The following B4GALT5 variants were observed in gnomAD, a reference collection of about 807,000 sequenced individuals.
B4GALT5 encodes UDP-Gal:beta-GlcNAc beta-1,4-galactosyltransferase 5.
B4GALT5 carries 11 observed loss-of-function variants against 45.0 expected under a neutral mutation model. The observed-to-expected ratio is 0.24, with a 90% CI of 0.15 to 0.40. The LOEUF (loss-of-function observed/expected upper bound fraction) is 0.40. Among genes scored for constraint, B4GALT5 ranks in the 10% least tolerant of loss-of-function variants. B4GALT5 has a pLI of 1.00. For missense variants in B4GALT5, 337 were observed against 500.2 expected (o/e 0.67, Z 3.11); for synonymous variants, 185 against 182.9 (o/e 1.01, Z -0.09).
intron 1 of B4GALT5, among the ~76,000 whole-genome samples, chr20:49,687,470 C>A (rs2085791245): frequency 6.6e-6 from 1 of 151,970 alleles, no homozygotes; most frequent in Admixed American, 6.6e-5. Context: ...ATGGTGAAAC[C>A]CTGTCTCTAC....
chr20:49,645,678 G>C (rs2085596133), intron 3 of B4GALT5, among the ~76,000 whole-genome samples: 1 of 152,126 alleles, frequency 6.6e-6, no homozygotes, highest in African/African-American at 2.4e-5. Flanking sequence ...GAACCTGGGA[G>C]GCAGAGGTTG....
Position 49,640,630 on chromosome 20 carries a change from G to A in B4GALT5, c.642C>T (p.Phe214=), listed in dbSNP as rs1474750386. 1.9e-6 allele frequency: 3 copies of A among 1,612,794 alleles called. No homozygotes were observed. The African/African-American group carries it at 4.0e-5, about 22-fold the overall frequency. ...TCATTGCCTCTTGAAAGCCAACGTT[G>A]AAAAGCATGGCTCGATTAAAGGGTT... is the stretch of plus-strand genomic sequence containing the variant. ...GTQPFNRAML[F]NVGFQEAMKD... Residue 214 remains phenylalanine, a synonymous_variant, in exon 6 of 9, where the codon TTC becomes TTT. Transcript: ENST00000371711.
At chr20:49,662,486 AAAT>A (rs938609497) in intron 1 of B4GALT5, among the ~76,000 whole-genome samples, 1 of 152,204 alleles carries the variant, frequency 6.6e-6, no homozygotes, top group South Asian at 2.1e-4. Context: ...TGAATTTAAA[AAAT>A]AATAATAATA....
chr20:49,640,712 C>CTTTGCTGTCT, intron 5 of B4GALT5, 47 bp from the exon 6 acceptor site: 1 of 1,522,288 alleles, frequency 6.6e-7, no homozygotes, highest in Non-Finnish European at 8.8e-7. Flanking sequence ...GAAGGAAAAT[C>CTTTGCTGTCT]TTTGCTGTCT....
rs770260766 is a variant in B4GALT5, at chr20:49,633,530, G to C, written c.*2782C>G. 1 of 150,682 alleles carries C rather than the reference G, an allele frequency of 6.6e-6. No individual in the cohort carries two copies. The highest frequency in any genetic ancestry group is 1.5e-5 in the Non-Finnish European group (1 of 67,918). The allele number at this position is 150,682 out of a possible 1,614,324, so 9.3% of individuals were successfully genotyped here. A position where few individuals can be genotyped will look rare whatever the true frequency, so the allele number is the denominator to read the frequency against. On this transcript the variant is annotated 3_prime_UTR_variant, in exon 9 of 9. Transcript: ENST00000371711. ...CTATGACATTTCCCATATGATATTCGAGGCCTGGTGGACACATGACTGACA... is the reference window on the plus strand; with the variant it reads ...CTATGACATTTCCCATATGATATTCCAGGCCTGGTGGACACATGACTGACA...
chr20:49,643,230 A>C (rs1260896954), intron 4 of B4GALT5, among the ~76,000 whole-genome samples: 1 of 152,238 alleles, frequency 6.6e-6, no homozygotes, highest in African/African-American at 2.4e-5. Context: ...CTGACTCTGT[A>C]GATGACTTCT....
At chr20:49,680,105 T>C (rs2085758016) in intron 1 of B4GALT5, among the ~76,000 whole-genome samples, 1 of 152,220 alleles carries the variant, frequency 6.6e-6, no homozygotes, top group East Asian at 1.9e-4. Flanking sequence ...TTGATTAAAA[T>C]GCCATATAAT....
At chr20:49,654,660 GCATTTGCAA>G (rs1304336886) in intron 2 of B4GALT5, among the ~76,000 whole-genome samples, 1 of 152,168 alleles carries the variant, frequency 6.6e-6, no homozygotes, top group Non-Finnish European at 1.5e-5. Context: ...AGAATAATTC[GCATTTGCAA>G]CATTTGCAAA....
chr20:49,648,939 A>G (rs2085610101), intron 2 of B4GALT5, among the ~76,000 whole-genome samples: 1 of 152,132 alleles, frequency 6.6e-6, no homozygotes, highest in Non-Finnish European at 1.5e-5. Flanking sequence ...ATCCTTTTGG[A>G]TCCATGCTGA....
intron 3 of B4GALT5, among the ~76,000 whole-genome samples, chr20:49,646,373 C>G (rs2085599224): frequency 6.6e-6 from 1 of 152,152 alleles, no homozygotes; most frequent in East Asian, 1.9e-4. Flanking sequence ...TCCATTCCTG[C>G]AGGCTCCGTT....
At chr20:49,669,586 C>A (rs1294860068) in intron 1 of B4GALT5, among the ~76,000 whole-genome samples, 2 of 151,584 alleles carry the variant, frequency 1.3e-5, no homozygotes, top group Non-Finnish European at 2.9e-5. Flanking sequence ...ATCCCAGTTA[C>A]TCGGGAGGCT....
intron 5 of B4GALT5, among the ~76,000 whole-genome samples, chr20:49,641,948 A>G (rs979849563): frequency 1.8e-4 from 27 of 151,954 alleles, no homozygotes; most frequent in African/African-American, 5.8e-4. Flanking sequence ...AAAAAAAAAG[A>G]TTTACAGACT....
chr20:49,689,351 A>C (rs2146353575), intron 1 of B4GALT5, among the ~76,000 whole-genome samples: 1 of 152,358 alleles, frequency 6.6e-6, no homozygotes, highest in African/African-American at 2.4e-5. Flanking sequence ...CTCAAAGTTA[A>C]AATGATCACG....
rs140834253 is a variant in B4GALT5 at position 49,649,520 on chromosome 20, C to T, written c.251-2442G>A. On this transcript the variant is annotated intron_variant, in intron 2 of 8. Coordinates refer to ENST00000371711, the MANE Select transcript of B4GALT5 (RefSeq NM_004776.4). Reference sequence around the variant, plus strand: ...ACCTGAGCCTGGGAGGTCGAGGTTCCGGTGGGCAATGATCACACCACTGTA... The same window carrying T: ...ACCTGAGCCTGGGAGGTCGAGGTTCTGGTGGGCAATGATCACACCACTGTA... Among the ~76,000 whole-genome samples, 662 of 151,946 alleles carry T rather than the reference C, an allele frequency of 4.4e-3. 4 individuals carry two copies. The highest frequency in any genetic ancestry group is 0.015 in the African/African-American group (629 of 41,416).
At position 49,694,646 on chromosome 20, in the gene B4GALT5, G is replaced by A. The variant is rs955099090; in HGVS notation, c.115+18930C>T. On this transcript the variant is annotated intron_variant, in intron 1 of 8. Transcript: ENST00000371711. ...AGCAAGGCCCTGCTGAGAAGGGAAAGGGAAAGGGAAAAGGAAAGGGAAAGG... is the reference window on the plus strand; with the variant it reads ...AGCAAGGCCCTGCTGAGAAGGGAAAAGGAAAGGGAAAAGGAAAGGGAAAGG... Among the ~76,000 whole-genome samples, 9 of 102,186 alleles carry A rather than the reference G, an allele frequency of 8.8e-5. No homozygotes were observed. The East Asian group carries it at 2.5e-3, about 29-fold the overall frequency. 67.0% of individuals were successfully genotyped at this position (102,186 alleles called of 152,430 possible).
intron 2 of B4GALT5, among the ~76,000 whole-genome samples, chr20:49,650,580 T>C (rs1336255053): frequency 6.6e-6 from 1 of 151,750 alleles, no homozygotes; most frequent in African/African-American, 2.4e-5. Context: ...GAGGTTACAG[T>C]GAGCTGAGAT....
At chr20:49,707,913 C>CT (rs757359416) in intron 1 of B4GALT5, among the ~76,000 whole-genome samples, 6,929 of 135,828 alleles carry the variant, frequency 0.051, 357 homozygotes, top group East Asian at 0.2. Flanking sequence ...CTTGCCCAGC[C>CT]TTTTTTTTTT....
chr20:49,640,002 T>C (rs967287710), intron 6 of B4GALT5, among the ~76,000 whole-genome samples: 3 of 152,196 alleles, frequency 2.0e-5, no homozygotes, highest in Admixed American at 6.5e-5. Context: ...CCATACACAA[T>C]TGGCCCATTT....
At chr20:49,682,945 T>A (rs1186876230) in intron 1 of B4GALT5, among the ~76,000 whole-genome samples, 2 of 151,884 alleles carry the variant, frequency 1.3e-5, no homozygotes, top group African/African-American at 4.8e-5. Flanking sequence ...TAAAAAAATA[T>A]TAGCCCGGCA....
Sources: gnomAD v4.1 joint callset for allele counts (sites outside exome capture counted in the v4.1 genomes callset) on GRCh38, gnomAD v4.1.1 for gene constraint, MANE v1.5 for transcripts, NCBI Gene and HGNC (gene_info 2026-07-23, HGNC 2026-07-21) for gene names.